The following MICAL2 variants were observed in gnomAD, a reference collection of about 807,000 sequenced individuals.
MICAL2 encodes microtubule associated monooxygenase, calponin and LIM domain containing 2.
A neutral mutation model predicts 127.3 loss-of-function variants in MICAL2; 77 were observed. That is an observed-to-expected ratio of 0.60 (90% CI 0.50 to 0.73). The LOEUF (loss-of-function observed/expected upper bound fraction) is 0.73, where lower values mean the gene tolerates loss of function less well. MICAL2 is among the 30% of genes least tolerant of loss of function. MICAL2 has a pLI of 0.00. For missense variants in MICAL2, 1,351 were observed against 1,434.4 expected, an observed-to-expected ratio of 0.94 and a Z score of 0.94; for synonymous variants, 570 against 551.1, an observed-to-expected ratio of 1.03 and a Z score of -0.48.
chr11:12,302,752 T>G (rs1258554135), intron 29 of MICAL2, among the ~76,000 whole-genome samples: 1 of 152,140 alleles, frequency 6.6e-6, no homozygotes, highest in African/African-American at 2.4e-5. Flanking sequence ...AGCCTCAAAC[T>G]TTTGACTTCA....
In MICAL2 at chr11:12,257,820, G is replaced by A. The variant is rs78960433; in HGVS notation, c.3143-648G>A. Among the ~76,000 whole-genome samples the A allele has an allele frequency of 2.8e-4, 43 of 152,306 alleles. No individual in the cohort carries two copies. In the East Asian group the frequency reaches 7.1e-3, roughly 25 times the overall value. On this transcript the variant is annotated intron_variant, in intron 24 of 27. Transcript: ENST00000683283. The stretch of plus-strand genomic sequence containing the variant: ...TACTATTGCTATTGTTACCAGTGCA[G>A]CAGTGAGCAAGGAAGGCTTGTCTGG...
At chr11:12,213,694 G>C (rs1003190069) in intron 7 of MICAL2, among the ~76,000 whole-genome samples, 5 of 152,182 alleles carry the variant, frequency 3.3e-5, no homozygotes, top group African/African-American at 9.7e-5. Flanking sequence ...AAAAAGTGAA[G>C]GTTGACACGA....
At chr11:12,276,041 T>A, upstream of MICAL2, 2 of 399,230 alleles carry the variant, frequency 5.0e-6, no homozygotes, top group Non-Finnish European at 8.8e-6. Context: ...AGCACAGTGA[T>A]GCGGAAGGGG....
chr11:12,231,962 C>G (rs1269501696), intron 15 of MICAL2, among the ~76,000 whole-genome samples: 1 of 152,168 alleles, frequency 6.6e-6, no homozygotes, highest in Non-Finnish European at 1.5e-5. Context: ...TTTACGTCTG[C>G]TGGGGGTCTG....
At chr11:12,293,192 C>T (rs949792305), downstream of MICAL2, among the ~76,000 whole-genome samples, 2 of 152,180 alleles carry the variant, frequency 1.3e-5, no homozygotes, top group Non-Finnish European at 2.9e-5. Context: ...AAGAGCTTAT[C>T]TTCCCCTATG....
intron 2 of MICAL2, among the ~76,000 whole-genome samples, chr11:12,141,479 T>A (rs1852343936): frequency 6.6e-6 from 1 of 152,214 alleles, no homozygotes. Context: ...ACTTTCATCC[T>A]GATCTTTGTA....
intron 3 of MICAL2, among the ~76,000 whole-genome samples, chr11:12,192,157 A>G (rs912110699): frequency 8.5e-6 from 1 of 117,122 alleles, no homozygotes; most frequent in South Asian, 2.7e-4. Context: ...AATATTTACT[A>G]TCTGGCCCTT....
downstream of MICAL2, among the ~76,000 whole-genome samples, chr11:12,291,809 A>G (rs981786230): frequency 1.3e-5 from 2 of 152,202 alleles, no homozygotes; most frequent in Non-Finnish European, 2.9e-5. Flanking sequence ...CCCAACCACA[A>G]TGGTTTTAGG....
chr11:12,224,935 A>T (rs1857238418), intron 13 of MICAL2, 115 bp downstream of exon 13: 7 of 1,298,644 alleles, frequency 5.4e-6, no homozygotes, highest in Non-Finnish European at 7.4e-6. Context: ...TCAATTTGAG[A>T]TTTTTCTTAA....
intron 3 of MICAL2, among the ~76,000 whole-genome samples, chr11:12,168,884 C>T (rs11022219): frequency 0.64 from 92,945 of 145,434 alleles, 30,958 homozygotes; most frequent in South Asian, 0.8. Context: ...GAGGTCAAGG[C>T]GGCAGTGAGC....
At chr11:12,287,718 G>A (rs925405357), downstream of MICAL2, among the ~76,000 whole-genome samples, 3 of 152,216 alleles carry the variant, frequency 2.0e-5, no homozygotes, top group Non-Finnish European at 4.4e-5. Flanking sequence ...GCAGGGCTGT[G>A]GCAGGTGCTG....
chr11:12,258,614 A>G (rs1862655174), intron 25 of MICAL2, 58 bp downstream of exon 25: 3 of 1,509,122 alleles, frequency 2.0e-6, no homozygotes. Flanking sequence ...AAGGGTTTCC[A>G]GTGATCCTCA....
intron 16 of MICAL2, among the ~76,000 whole-genome samples, chr11:12,237,507 A>G (rs1859249417): frequency 1.3e-5 from 2 of 152,062 alleles, no homozygotes; most frequent in African/African-American, 2.4e-5. Context: ...CCTTGGGTAC[A>G]CTTTGTCTCA....
At chr11:12,159,062 C>T (rs560751594) in intron 2 of MICAL2, among the ~76,000 whole-genome samples, 1 of 152,278 alleles carries the variant, frequency 6.6e-6, no homozygotes, top group East Asian at 1.9e-4. Context: ...ATCCAAGCTG[C>T]GCTTATCTTC....
At chr11:12,209,850 C>T (rs1214103258) in intron 6 of MICAL2, among the ~76,000 whole-genome samples, 2 of 152,098 alleles carry the variant, frequency 1.3e-5, no homozygotes, top group African/African-American at 4.8e-5. Flanking sequence ...TCACAGAACC[C>T]TTTCAAAGTG....
At chr11:12,172,912 G>A (rs942345718) in intron 3 of MICAL2, among the ~76,000 whole-genome samples, 1 of 152,142 alleles carries the variant, frequency 6.6e-6, no homozygotes, top group African/African-American at 2.4e-5. Flanking sequence ...TCAGCCATAA[G>A]CTACCAGCTC....
intron 32 of MICAL2, among the ~76,000 whole-genome samples, chr11:12,339,103 A>T (rs1433380365): frequency 1.3e-5 from 2 of 152,188 alleles, no homozygotes; most frequent in Non-Finnish European, 2.9e-5. Context: ...AGTCATACGT[A>T]GATTTGGTCT....
At chr11:12,319,182 C>G (rs1050588960) in intron 29 of MICAL2, among the ~76,000 whole-genome samples, 4 of 152,052 alleles carry the variant, frequency 2.6e-5, no homozygotes, top group African/African-American at 7.2e-5. Flanking sequence ...GACGCCAGCT[C>G]TTTTACACTG....
chr11:12,168,040 G>A (rs1043764909), intron 3 of MICAL2, among the ~76,000 whole-genome samples: 4 of 151,846 alleles, frequency 2.6e-5, no homozygotes, highest in East Asian at 3.9e-4. Flanking sequence ...GATGGTTCAC[G>A]CCTGTAACCC....
Sources: allele counts gnomAD v4.1 joint callset (sites outside exome capture counted in the v4.1 genomes callset), GRCh38; gene constraint gnomAD v4.1.1; transcripts MANE v1.5; gene names NCBI Gene and HGNC (gene_info 2026-07-23, HGNC 2026-07-21).